The following GFRA2 variants were observed in gnomAD, a reference collection of about 807,000 sequenced individuals.
The protein encoded by GFRA2 is GDNF family receptor alpha 2.
GFRA2 carries 17 observed loss-of-function variants against 48.3 expected under a neutral mutation model. The observed-to-expected ratio is 0.35, with a 90% CI of 0.24 to 0.53. The LOEUF is 0.53. GFRA2 is among the 20% of genes least tolerant of loss of function. GFRA2 has a pLI of 0.93. For missense variants in GFRA2, 660 were observed against 637.3 expected, an observed-to-expected ratio of 1.04 and a Z score of -0.38; for synonymous variants, 305 against 257.2, an observed-to-expected ratio of 1.19 and a Z score of -1.78.
rs1270283020 is a variant in GFRA2, at chr8:21,711,643, A to G, written c.795-5602T>C. 2.6e-5 allele frequency among the ~76,000 whole-genome samples: 4 copies of G among 151,410 alleles called. No individual in the cohort carries two copies. In the South Asian group the frequency reaches 8.3e-4, roughly 31 times the overall value. ...ATGAATATCTTTTTTTAGCATAAGT[A>G]TGTCCCACATAATATCTGGGAAATA... On this transcript the variant is annotated intron_variant, in intron 4 of 8. Transcript: ENST00000524240.
chr8:21,802,753 G>A (rs2117115652), intron 2 of GFRA2, among the ~76,000 whole-genome samples: 1 of 152,320 alleles, frequency 6.6e-6, no homozygotes, highest in South Asian at 2.1e-4. Flanking sequence ...AGCTATGGTG[G>A]TAGAATTATG....
chr8:21,732,919 G>A (rs1476651374), intron 4 of GFRA2, among the ~76,000 whole-genome samples: 4 of 152,206 alleles, frequency 2.6e-5, no homozygotes, highest in Admixed American at 2.6e-4. Flanking sequence ...AGGAAAGCCA[G>A]AGGCCAGTCA....
rs1391090142 is a variant in GFRA2 at position 21,782,665 on chromosome 8, T to C, written c.275A>G (p.Asp92Gly). ...LEVLQESPLY[D>G]CRCKRGMKKE... The stretch of plus-strand genomic sequence containing the variant: ...CTTCATGCCCCGCTTGCAGCGGCAG[T>C]CGTACAGCGGGCTCTCCTGCAAGAC... Residue 92 changes from aspartate to glycine, a missense_variant, in exon 2 of 9, where the codon GAC (aspartate) becomes GGC (glycine). Coordinates refer to ENST00000524240, the MANE Select transcript of GFRA2 (RefSeq NM_001495.5). The C allele has an allele frequency of 6.3e-7, 1 of 1,586,698 alleles. No homozygotes were observed. The highest frequency in any genetic ancestry group is 8.6e-7 in the Non-Finnish European group (1 of 1,167,212).
chr8:21,761,022 C>T (rs1396088843), intron 3 of GFRA2, among the ~76,000 whole-genome samples: 5 of 152,118 alleles, frequency 3.3e-5, no homozygotes, highest in African/African-American at 7.2e-5. Context: ...ACAGCAAGGG[C>T]GGGTAGAGAA....
At chr8:21,697,172 AG>A (rs1802246109) in intron 7 of GFRA2, among the ~76,000 whole-genome samples, 1 of 119,654 alleles carries the variant, frequency 8.4e-6, no homozygotes, top group African/African-American at 3.2e-5. Flanking sequence ...AGGATAGGGG[AG>A]GGGACAGAGG....
In GFRA2 at chr8:21,735,369, G is replaced by GC. The variant is rs375250284; in HGVS notation, c.794+15218dup. On this transcript the variant is annotated intron_variant, in intron 4 of 8. Transcript: ENST00000524240. ...AGGTGTAGAAAGATGTGGAAACCAA[G>GC]CCCCCCCCCAATCCACCCCTGCCAG... Among the ~76,000 whole-genome samples, 104 of 150,362 alleles carry GC rather than the reference G, an allele frequency of 6.9e-4. 1 individual carries two copies. Among genetic ancestry groups the GC allele is most frequent in the East Asian group, 6.3e-3 (32 of 5,102 alleles).
intron 4 of GFRA2, among the ~76,000 whole-genome samples, chr8:21,709,246 CCATGAAGCCCTTCCCACCTAGCTGTGTG>C (rs1431897984): frequency 2.0e-5 from 3 of 152,244 alleles, no homozygotes; most frequent in Non-Finnish European, 4.4e-5. Flanking sequence ...CAGTCCCTCC[CCATGAAGCCCTTCCCACCTAGCTGTGTG>C]GATTTCTTCC....
At position 21,750,088 on chromosome 8, in the gene GFRA2, T is replaced by TACACACACACACACACACAC. The variant is rs531507245; in HGVS notation, c.794+480_794+499dup. The stretch of plus-strand genomic sequence containing the variant: ...GTGTATATATGTGTGTGTGTGTGTA[T>TACACACACACACACACACAC]ACACACACACACACACACACACGCA... On this transcript the variant is annotated intron_variant, in intron 4 of 8. Coordinates refer to ENST00000524240, the MANE Select transcript of GFRA2 (RefSeq NM_001495.5). The surrounding 1 kb of genome is among the most constrained non-coding windows in gnomAD (Gnocchi z 5.7). Among the ~76,000 whole-genome samples the TACACACACACACACACACAC allele has an allele frequency of 6.1e-5, 9 of 147,486 alleles. No individual in the cohort carries two copies. The highest frequency in any genetic ancestry group is 2.0e-4 in the East Asian group (1 of 4,996).
intron 4 of GFRA2, among the ~76,000 whole-genome samples, chr8:21,718,488 C>T (rs935171603): frequency 9.9e-5 from 15 of 152,150 alleles, no homozygotes; most frequent in South Asian, 2.1e-4. Context: ...AACAAATGTG[C>T]GTATGTGTGT....
intron 4 of GFRA2, among the ~76,000 whole-genome samples, chr8:21,719,435 T>C (rs1443675116): frequency 7.4e-5 from 11 of 148,888 alleles, no homozygotes; most frequent in Non-Finnish European, 1.5e-5. Context: ...AAACCTCTTA[T>C]TACTCGGCAA....
At chr8:21,725,670 G>C (rs1803832111) in intron 4 of GFRA2, among the ~76,000 whole-genome samples, 1 of 152,210 alleles carries the variant, frequency 6.6e-6, no homozygotes, top group Admixed American at 6.5e-5. Context: ...TACACAGGTA[G>C]TGCAAAATTC....
chr8:21,750,123 G>A lies in GFRA2; in HGVS notation c.794+465C>T, dbSNP rs138793612. On this transcript the variant is annotated intron_variant, in intron 4 of 8. Transcript: ENST00000524240. The surrounding 1 kb of genome is among the most constrained non-coding windows in gnomAD (Gnocchi z 5.7). Reference sequence around the variant, plus strand: ...CACACACACACACGCACATATATAGGTAGAGACTGAGTTTTGCTATGTTGC... The same window carrying A: ...CACACACACACACGCACATATATAGATAGAGACTGAGTTTTGCTATGTTGC... Among the ~76,000 whole-genome samples the A allele has an allele frequency of 3.2e-4, 43 of 132,338 alleles. No homozygotes were observed. The East Asian group carries it at 5.6e-3, about 17-fold the overall frequency. The allele number at this position is 132,338 out of a possible 152,430, so 86.8% of individuals were successfully genotyped here. A position where few individuals can be genotyped will look rare whatever the true frequency, so the allele number is the denominator to read the frequency against.
intron 6 of GFRA2, among the ~76,000 whole-genome samples, chr8:21,704,607 T>C (rs73552648): frequency 0.073 from 11,139 of 152,206 alleles, 630 homozygotes; most frequent in South Asian, 0.2. Context: ...GGTTAGGAGT[T>C]TGACGATGTG....
At chr8:21,768,667 C>G (rs1203734252) in intron 3 of GFRA2, among the ~76,000 whole-genome samples, 1 of 152,142 alleles carries the variant, frequency 6.6e-6, no homozygotes, top group Non-Finnish European at 1.5e-5. Flanking sequence ...CCTCCCACAG[C>G]CCCCACCAAG....
intron 3 of GFRA2, among the ~76,000 whole-genome samples, chr8:21,762,974 G>A (rs1585313248): frequency 1.3e-5 from 2 of 152,038 alleles, no homozygotes; most frequent in South Asian, 2.1e-4. Flanking sequence ...TTTTTTATTT[G>A]ATGGTATAGA....
upstream of GFRA2, among the ~76,000 whole-genome samples, chr8:21,793,427 A>G (rs2117104202): frequency 6.6e-6 from 1 of 152,286 alleles, no homozygotes; most frequent in South Asian, 2.1e-4. Context: ...ATGAATTGGC[A>G]TGATGCTGGA....
In GFRA2 at chr8:21,693,577, G is replaced by A. The variant is rs1041863709; in HGVS notation, c.1273-177C>T. On this transcript the variant is annotated intron_variant, in intron 8 of 8. Coordinates refer to ENST00000524240, the MANE Select transcript of GFRA2 (RefSeq NM_001495.5). Reference sequence around the variant, plus strand: ...CTCTGAAGGGAGCGCTGACTCTCCCGGAGCTGGCCCAGGCAGGAGCAGAAG... The same window carrying A: ...CTCTGAAGGGAGCGCTGACTCTCCCAGAGCTGGCCCAGGCAGGAGCAGAAG... Among the ~76,000 whole-genome samples the A allele has an allele frequency of 6.6e-5, 10 of 152,030 alleles. No individual in the cohort carries two copies. In the East Asian group the frequency reaches 7.7e-4, roughly 12 times the overall value.
At chr8:21,718,901 C>T (rs1803462826) in intron 4 of GFRA2, among the ~76,000 whole-genome samples, 2 of 148,048 alleles carry the variant, frequency 1.4e-5, no homozygotes, top group Admixed American at 1.4e-4. Flanking sequence ...CAGCCCCCAA[C>T]TCTGCCCAGC....
At chr8:21,808,503 G>T (rs1481823922) in intron 1 of GFRA2, among the ~76,000 whole-genome samples, 1 of 152,254 alleles carries the variant, frequency 6.6e-6, no homozygotes. Context: ...AGCCTAGTAT[G>T]TGCCTTTCAC....
Sources: gnomAD v4.1 joint callset for allele counts (sites outside exome capture counted in the v4.1 genomes callset) on GRCh38, gnomAD v4.1.1 for gene constraint, Gnocchi (gnomAD v3.1) non-coding constraint, MANE v1.5 for transcripts, NCBI Gene and HGNC (gene_info 2026-07-23, HGNC 2026-07-21) for gene names.